The following FAM228B variants were observed in gnomAD, a reference collection of about 807,000 sequenced individuals.
FAM228B encodes the protein protein FAM228B.
In FAM228B, 38 loss-of-function variants were observed where a neutral mutation model predicts 42.6. That is an observed-to-expected ratio of 0.89 (90% CI 0.69 to 1.17). The LOEUF is 1.17. Among genes scored for constraint, FAM228B ranks in the 50% most tolerant of loss-of-function variants. The pLI is 0.00. For synonymous variants in FAM228B, 109 were observed against 122.3 expected (o/e 0.89, Z 0.72); for missense variants, 344 against 367.3 (o/e 0.94, Z 0.52).
At chr2:24,150,149 T>G (rs1375314260) in intron 7 of FAM228B, among the ~76,000 whole-genome samples, 18 of 152,172 alleles carry the variant, frequency 1.2e-4, no homozygotes, top group Admixed American at 1.2e-3. Context: ...CATTGCAGTG[T>G]TATATTATTC....
rs184526039 is a variant in FAM228B at position 24,082,603 on chromosome 2, C to T, written c.-210+1648C>T. On this transcript the variant is annotated intron_variant, in intron 2 of 10. Transcript: ENST00000613899. ...TGGTCCCTTCTGTTGCACTGGGACC[C>T]CAGAGAGAAGCTCAGTATGATTCTA... 8.5e-5 allele frequency among the ~76,000 whole-genome samples: 13 copies of T among 152,242 alleles called. No individual in the cohort carries two copies. The East Asian group carries it at 2.3e-3, about 27-fold the overall frequency.
chr2:24,133,634 T>C (rs1666508969), intron 2 of FAM228B, among the ~76,000 whole-genome samples: 1 of 152,240 alleles, frequency 6.6e-6, no homozygotes, highest in South Asian at 2.1e-4. Flanking sequence ...TATTTAATAA[T>C]TGTGGAACAT....
chr2:24,078,369 CTA>C (rs1240383156), intron 1 of FAM228B, among the ~76,000 whole-genome samples: 1 of 150,956 alleles, frequency 6.6e-6, no homozygotes, highest in African/African-American at 2.4e-5. Context: ...AAACCTGTCT[CTA>C]TAAAAAATAC....
At chr2:24,139,012 T>G (rs1214302028) in intron 4 of FAM228B, among the ~76,000 whole-genome samples, 1 of 152,198 alleles carries the variant, frequency 6.6e-6, no homozygotes, top group African/African-American at 2.4e-5. Flanking sequence ...CATATTTTTC[T>G]TTTGTTCTGG....
chr2:24,164,163 A>G, intron 8 of FAM228B, 35 bp from the exon 9 acceptor site: 2 of 1,523,018 alleles, frequency 1.3e-6, no homozygotes. Context: ...GTTGAGAGTT[A>G]AGAGAATCCC....
At chr2:24,105,692 C>A (rs1283518081) in intron 3 of FAM228B, among the ~76,000 whole-genome samples, 1 of 152,026 alleles carries the variant, frequency 6.6e-6, no homozygotes, top group Non-Finnish European at 1.5e-5. Flanking sequence ...AATTCAAAAC[C>A]CAATCCAAGG....
intron 2 of FAM228B, among the ~76,000 whole-genome samples, chr2:24,126,400 ACATCT>A (rs1224919747): frequency 6.6e-6 from 1 of 152,212 alleles, no homozygotes; most frequent in East Asian, 1.9e-4. Flanking sequence ...ATGTATAGTG[ACATCT>A]CATTGTGGTT....
At chr2:24,078,631 CTTCTG>C (rs1284652562) in intron 1 of FAM228B, among the ~76,000 whole-genome samples, 3 of 152,244 alleles carry the variant, frequency 2.0e-5, no homozygotes, top group East Asian at 1.9e-4. Flanking sequence ...AAATGTGTAA[CTTCTG>C]TTCTGTACCA....
upstream of FAM228B, chr2:24,122,639 C>G (rs1379599319): frequency 5.2e-6 from 4 of 768,220 alleles, no homozygotes; most frequent in Non-Finnish European, 8.9e-6. Flanking sequence ...GCAGACAGTT[C>G]TAAGATCAGC....
rs4505479 is a variant in FAM228B at position 24,125,063 on chromosome 2, A to T, written c.99+603A>T. On this transcript the variant is annotated intron_variant, in intron 2 of 10. Coordinates refer to ENST00000615575, the MANE Select transcript of FAM228B (RefSeq NM_001145710.2). Reference sequence around the variant, plus strand: ...AAACAGCTTTATTAAGATGTAATTGATATACAGTAAACTGCATATATTTAA... The same window carrying T: ...AAACAGCTTTATTAAGATGTAATTGTTATACAGTAAACTGCATATATTTAA... 4.6e-3 allele frequency among the ~76,000 whole-genome samples: 704 copies of T among 152,222 alleles called. 5 individuals are homozygous for T. The highest frequency in any genetic ancestry group is 0.016 in the African/African-American group (678 of 41,520).
At chr2:24,119,950 TA>T (rs1666049732), upstream of FAM228B, among the ~76,000 whole-genome samples, 1 of 152,100 alleles carries the variant, frequency 6.6e-6, no homozygotes, top group Non-Finnish European at 1.5e-5. Context: ...TGCAATTGAT[TA>T]TCATATACCC....
chr2:24,092,530 G>A (rs1191327562), intron 2 of FAM228B, among the ~76,000 whole-genome samples: 3 of 149,662 alleles, frequency 2.0e-5, no homozygotes, highest in Non-Finnish European at 4.5e-5. Context: ...AGCCGAGATC[G>A]CGCCCTGCAC....
chr2:24,138,012 A>G lies in FAM228B; in HGVS notation c.272A>G (p.Lys91Arg). The change falls in exon 4 of 11, where the codon AAA becomes AGA. Residue 91 changes from lysine to arginine, a missense_variant. Physicochemically the swap from Lys to Arg is conservative, Grantham distance 26. Transcript: ENST00000615575. Reference protein sequence around the residue: ...VDCVADPLQKKIIEKVCSHKK... With the variant: ...VDCVADPLQKRIIEKVCSHKK... ...TGTGTGGCAGATCCTCTTCAGAAGA[A>G]AATTATAGAAAAAGTTTGCTCACAT... The G allele has an allele frequency of 6.5e-7, 1 of 1,547,762 alleles. No individual in the cohort carries two copies. The highest frequency in any genetic ancestry group is 1.2e-5 in the South Asian group (1 of 82,704).
upstream of FAM228B, chr2:24,121,326 G>C: frequency 1.2e-6 from 2 of 1,602,946 alleles, no homozygotes; most frequent in Non-Finnish European, 1.7e-6. Context: ...GGTTAGAGCA[G>C]GAGTCAGCCA....
intron 4 of FAM228B, 119 bp from the exon 5 acceptor site, chr2:24,139,251 C>T: frequency 2.2e-6 from 1 of 457,600 alleles, no homozygotes; most frequent in Non-Finnish European, 3.8e-6. Flanking sequence ...TTGCATTTGT[C>T]ACTGATGCTG....
At chr2:24,146,684 T>C in intron 5 of FAM228B, 64 bp from the exon 6 acceptor site, 1 of 1,142,864 alleles carries the variant, frequency 8.7e-7, no homozygotes, top group Non-Finnish European at 1.3e-6. Flanking sequence ...ATGCTTAGAA[T>C]AGACTGAAAA....
chr2:24,087,148 C>T (rs900762981), intron 2 of FAM228B: 1 of 152,190 alleles, frequency 6.6e-6, no homozygotes, highest in African/African-American at 2.4e-5. Context: ...TGTAATCTTG[C>T]AGTGTGTAAT....
At chr2:24,121,401 T>A, upstream of FAM228B, 1 of 1,147,956 alleles carries the variant, frequency 8.7e-7, no homozygotes, top group South Asian at 1.6e-5. Context: ...AAGCTAAGAA[T>A]GGTTTTCATG....
intron 2 of FAM228B, among the ~76,000 whole-genome samples, chr2:24,087,814 C>T (rs556459962): frequency 6.9e-6 from 1 of 144,996 alleles, no homozygotes; most frequent in South Asian, 2.2e-4. Context: ...CAGAGTCTCA[C>T]TCTGTCACCC....
Sources: allele counts gnomAD v4.1 joint callset (sites outside exome capture counted in the v4.1 genomes callset), GRCh38; gene constraint gnomAD v4.1.1; transcripts MANE v1.5; gene names NCBI Gene and HGNC (gene_info 2026-07-23, HGNC 2026-07-21).